The following RPS6KC1 variants were observed in gnomAD, a reference collection of about 807,000 sequenced individuals.
RPS6KC1 encodes the protein inactive ribosomal protein S6 kinase delta-1.
Under a neutral mutation model 103.8 loss-of-function variants are expected in RPS6KC1, and 54 were observed. That is an observed-to-expected ratio of 0.52 (90% CI 0.42 to 0.65). The LOEUF (loss-of-function observed/expected upper bound fraction) is 0.65. Among genes scored for constraint, RPS6KC1 ranks in the 30% least tolerant of loss-of-function variants. RPS6KC1 has a pLI of 0.00. For missense variants in RPS6KC1, 1,151 were observed against 1,253.8 expected, an observed-to-expected ratio of 0.92 and a Z score of 1.24; for synonymous variants, 439 against 438.7, an observed-to-expected ratio of 1.00 and a Z score of -0.01.
the RPS6KC1 span, among the ~76,000 whole-genome samples, chr1:213,772,120 T>C: frequency 6.6e-6 from 1 of 152,136 alleles, no homozygotes; most frequent in Non-Finnish European, 1.5e-5. Context: ...AGTCCTTAAG[T>C]TGGAGGAAAT....
the RPS6KC1 span, among the ~76,000 whole-genome samples, chr1:213,726,685 T>C: frequency 6.6e-6 from 1 of 152,272 alleles, no homozygotes; most frequent in Non-Finnish European, 1.5e-5. Flanking sequence ...TATGTCTGTA[T>C]CTATCTATTG....
chr1:213,487,078 C>G, the RPS6KC1 span, among the ~76,000 whole-genome samples: 1 of 152,140 alleles, frequency 6.6e-6, no homozygotes, highest in Non-Finnish European at 1.5e-5. Flanking sequence ...CTGCTTCCAC[C>G]TGGTCTGAGC....
chr1:213,417,043 G>A, the RPS6KC1 span, among the ~76,000 whole-genome samples: 6 of 152,108 alleles, frequency 3.9e-5, no homozygotes, highest in Admixed American at 1.3e-4. Flanking sequence ...TCTGTCTGCC[G>A]GGAACAGATA....
chr1:213,403,882 G>A, the RPS6KC1 span, among the ~76,000 whole-genome samples: 12 of 152,316 alleles, frequency 7.9e-5, no homozygotes, highest in African/African-American at 2.6e-4. Flanking sequence ...AAACTGAACT[G>A]GAGGAGGGAG....
chr1:213,116,058 A>G (rs368862560), intron 4 of RPS6KC1, among the ~76,000 whole-genome samples: 3 of 151,418 alleles, frequency 2.0e-5, no homozygotes, highest in Non-Finnish European at 2.9e-5. Flanking sequence ...TTCTGTAGAT[A>G]TCTATTAGGT....
chr1:213,094,527 A>G (rs537445039), intron 3 of RPS6KC1, among the ~76,000 whole-genome samples: 11 of 152,204 alleles, frequency 7.2e-5, no homozygotes, highest in Admixed American at 2.0e-4. Flanking sequence ...TTCACAAGCT[A>G]TATCTGTCTG....
the RPS6KC1 span, among the ~76,000 whole-genome samples, chr1:213,788,540 C>A: frequency 6.6e-6 from 1 of 151,994 alleles, no homozygotes; most frequent in African/African-American, 2.4e-5. Flanking sequence ...TCCCCTGACT[C>A]CCTCCCCATA....
the RPS6KC1 span, among the ~76,000 whole-genome samples, chr1:213,417,659 A>G: frequency 6.7e-6 from 1 of 149,706 alleles, no homozygotes; most frequent in Non-Finnish European, 1.5e-5. Flanking sequence ...ACTAGTGGAG[A>G]GGTAGGTTGG....
the RPS6KC1 span, among the ~76,000 whole-genome samples, chr1:213,605,005 G>C: frequency 6.6e-6 from 1 of 152,110 alleles, no homozygotes; most frequent in Non-Finnish European, 1.5e-5. Context: ...CTGTTGCTTG[G>C]TCTGGAACAT....
the RPS6KC1 span, among the ~76,000 whole-genome samples, chr1:213,290,101 C>T: frequency 4.9e-5 from 7 of 143,574 alleles, no homozygotes; most frequent in East Asian, 1.1e-3. Flanking sequence ...GCCGAGATTG[C>T]GCCACTGCAA....
chr1:213,095,600 A>G (rs959513355), intron 3 of RPS6KC1, among the ~76,000 whole-genome samples: 2 of 152,186 alleles, frequency 1.3e-5, no homozygotes, highest in African/African-American at 4.8e-5. Context: ...AGTGTCTTAT[A>G]TATATTATAC....
chr1:213,393,497 C>T, the RPS6KC1 span, among the ~76,000 whole-genome samples: 8 of 152,320 alleles, frequency 5.3e-5, no homozygotes, highest in African/African-American at 1.4e-4. Context: ...TGCTGCTGCT[C>T]ACAGGCAATT....
chr1:213,663,569 A>G, the RPS6KC1 span, among the ~76,000 whole-genome samples: 1 of 152,238 alleles, frequency 6.6e-6, no homozygotes, highest in African/African-American at 2.4e-5. Context: ...GGCCACTGCA[A>G]AATGAATATG....
At chr1:213,584,203 C>T in the RPS6KC1 span, among the ~76,000 whole-genome samples, 1 of 152,280 alleles carries the variant, frequency 6.6e-6, no homozygotes, top group Middle Eastern at 3.4e-3. Flanking sequence ...GTGAGGCTTC[C>T]CCAGCCATGT....
the RPS6KC1 span, among the ~76,000 whole-genome samples, chr1:213,387,568 T>G: frequency 1.3e-5 from 2 of 152,240 alleles, no homozygotes; most frequent in African/African-American, 4.8e-5. Flanking sequence ...CCTGAAAAGT[T>G]GAGCATATGT....
At chr1:213,355,150 G>C in the RPS6KC1 span, among the ~76,000 whole-genome samples, 1 of 152,132 alleles carries the variant, frequency 6.6e-6, no homozygotes. Flanking sequence ...CCCAGGGACA[G>C]AGGTTGCAGT....
chr1:213,739,402 T>G, the RPS6KC1 span, among the ~76,000 whole-genome samples: 1 of 152,144 alleles, frequency 6.6e-6, no homozygotes, highest in South Asian at 2.1e-4. Context: ...GAGTCAAAAT[T>G]TATACATGGT....
chr1:213,212,464 A>C (rs2093536914), intron 8 of RPS6KC1, among the ~76,000 whole-genome samples: 1 of 152,150 alleles, frequency 6.6e-6, no homozygotes, highest in Non-Finnish European at 1.5e-5. Flanking sequence ...GGATGACCCC[A>C]GTTTACCCAT....
chr1:213,306,633 G>A, the RPS6KC1 span, among the ~76,000 whole-genome samples: 1 of 152,168 alleles, frequency 6.6e-6, no homozygotes, highest in Admixed American at 6.5e-5. Context: ...TAGCTAATTG[G>A]GAAAGAATGG....
Sources: gnomAD v4.1 joint callset for allele counts (sites outside exome capture counted in the v4.1 genomes callset) on GRCh38, gnomAD v4.1.1 for gene constraint, MANE v1.5 for transcripts, NCBI Gene and HGNC (gene_info 2026-07-23, HGNC 2026-07-21) for gene names.